Variants in FSIP2 observed in about 807,000 individuals in gnomAD.
The protein encoded by FSIP2 is fibrous sheath-interacting protein 2.
A neutral mutation model predicts 510.5 loss-of-function variants in FSIP2; 367 were observed. The ratio of observed to expected loss-of-function variants is 0.72; its 90% CI spans 0.66 to 0.78. The LOEUF is 0.78. Ranked by LOEUF, FSIP2 falls within the 30% of genes least tolerant of loss-of-function variation. The pLI, the probability that FSIP2 is intolerant of heterozygous loss-of-function variation, is 0.00. For missense variants in FSIP2, 7,594 were observed against 7,901.7 expected (o/e 0.96, Z 1.48); for synonymous variants, 2,601 against 2,732.2 (o/e 0.95, Z 1.50).
intron 10 of FSIP2, among the ~76,000 whole-genome samples, chr2:185,761,345 C>T (rs539546442): frequency 1.3e-5 from 2 of 151,126 alleles, no homozygotes; most frequent in Admixed American, 6.6e-5. Flanking sequence ...ATAATAATGA[C>T]AGCTTGCATT....
At chr2:185,818,420 C>T (rs1436036891) in intron 19 of FSIP2, among the ~76,000 whole-genome samples, 1 of 151,690 alleles carries the variant, frequency 6.6e-6, no homozygotes, top group Admixed American at 6.6e-5. Flanking sequence ...TTTGAGGAAA[C>T]AAGGGCTGAA....
At position 185,808,280 on chromosome 2, in the gene FSIP2, T is replaced by C; in HGVS notation, c.18974T>C (p.Ile6325Thr). The change falls in exon 17 of 23, where the codon ATT becomes ACT. Residue 6325 changes from isoleucine to threonine, a missense_variant. Transcript: ENST00000424728. ...AAAATTATGGAAAAAGTGATCAAAATTATTGATGAACTTAAGTCTAAGGAA... is the reference window on the plus strand; with the variant it reads ...AAAATTATGGAAAAAGTGATCAAAACTATTGATGAACTTAAGTCTAAGGAA... The part of the protein sequence containing the change: ...AVKIMEKVIK[I>T]IDELKSKEKS... 3 of 1,601,846 alleles carry C rather than the reference T, an allele frequency of 1.9e-6. No homozygotes were observed. Among genetic ancestry groups the C allele is most frequent in the Non-Finnish European group, 2.6e-6 (3 of 1,175,904 alleles).
At chr2:185,750,646 T>G (rs530645452) in intron 7 of FSIP2, among the ~76,000 whole-genome samples, 1 of 150,836 alleles carries the variant, frequency 6.6e-6, no homozygotes, top group Non-Finnish European at 1.5e-5. Context: ...CTGATCTTTT[T>G]GTTAAATACC....
chr2:185,768,877 G>A (rs1692550675), intron 13 of FSIP2, among the ~76,000 whole-genome samples: 1 of 152,130 alleles, frequency 6.6e-6, no homozygotes, highest in African/African-American at 2.4e-5. Context: ...GTGAGAACAT[G>A]CGGATTTGGT....
chr2:185,802,897 A>G lies in FSIP2; in HGVS notation c.13591A>G (p.Thr4531Ala). The G allele has an allele frequency of 6.7e-7, 1 of 1,496,700 alleles. No homozygotes were observed. The highest frequency in any genetic ancestry group is 8.8e-7 in the Non-Finnish European group (1 of 1,131,522). 92.7% of individuals were successfully genotyped at this position (1,496,700 alleles called of 1,614,324 possible). ...EIRFSKEEEE[T>A]KFIYSEDDIQ... ...TCGATTTTCAAAAGAGGAAGAAGAA[A>G]CCAAGTTTATTTATTCAGAAGATGA... The change falls in exon 17 of 23, where the codon ACC becomes GCC. Residue 4531 changes from threonine (T) to alanine (A), a missense_variant. Thr to Ala is a moderately conservative substitution (Grantham distance 58). Transcript: ENST00000424728.
intron 2 of FSIP2, among the ~76,000 whole-genome samples, chr2:185,741,234 A>C (rs1406274434): frequency 6.6e-6 from 1 of 151,972 alleles, no homozygotes; most frequent in Non-Finnish European, 1.5e-5. Context: ...TTTCAAAAAG[A>C]TGTTCTATTT....
chr2:185,802,608 A>G lies in FSIP2; in HGVS notation c.13302A>G (p.Ser4434=). Residue 4434 remains serine, a synonymous_variant, in exon 17 of 23, where the codon TCA becomes TCG. Coordinates refer to ENST00000424728, the MANE Select transcript of FSIP2 (RefSeq NM_173651.4). ...TTTCAGCTTCTACCTATTCTAATTC[A>G]GTGGCTGAGAATATTGTTCAGGACA... ...GDFSASTYSN[S]VAENIVQDIL... The G allele has an allele frequency of 3.3e-6, 5 of 1,533,506 alleles. No individual in the cohort carries two copies. The highest frequency in any genetic ancestry group is 1.2e-5 in the South Asian group (1 of 83,918). The allele number at this position is 1,533,506 out of a possible 1,614,324, so 95.0% of individuals were successfully genotyped here.
At chr2:185,740,789 T>G (rs1691907805) in intron 2 of FSIP2, among the ~76,000 whole-genome samples, 2 of 151,978 alleles carry the variant, frequency 1.3e-5, no homozygotes, top group South Asian at 4.2e-4. Flanking sequence ...ATAGGAACAT[T>G]ATCTCCCTTG....
Position 185,798,428 on chromosome 2 carries a change from C to T in FSIP2, c.10390+902C>T, listed in dbSNP as rs375141887. ...ACTCATGTGTATATATTAGGTGAAACAACATGTAATCGTCATTTTGTATAT... is the reference window on the plus strand; with the variant it reads ...ACTCATGTGTATATATTAGGTGAAATAACATGTAATCGTCATTTTGTATAT... On this transcript the variant is annotated intron_variant, in intron 16 of 22. Coordinates refer to ENST00000424728, the MANE Select transcript of FSIP2 (RefSeq NM_173651.4). Among the ~76,000 whole-genome samples the T allele has an allele frequency of 1.4e-4, 22 of 151,892 alleles. No individual in the cohort carries two copies. In the East Asian group the frequency reaches 3.3e-3, roughly 23 times the overall value.
intron 17 of FSIP2, among the ~76,000 whole-genome samples, chr2:185,810,808 G>T (rs1476179791): frequency 2.0e-5 from 3 of 152,006 alleles, no homozygotes; most frequent in African/African-American, 7.2e-5. Context: ...ACTTCTTAGA[G>T]ATTGGTTAAA....
chr2:185,827,279 A>T (rs1694029490), intron 20 of FSIP2, among the ~76,000 whole-genome samples: 1 of 151,674 alleles, frequency 6.6e-6, no homozygotes, highest in South Asian at 2.1e-4. Flanking sequence ...TAGAACCCAT[A>T]TTGGCCCAAA....
Position 185,791,333 on chromosome 2 carries a change from G to A in FSIP2, c.4197G>A (p.Arg1399=). ...ATGTACAAAGCATTTTGCCAAATAG[G>A]CAAGATAAAAAATCTTTTCACAAAT... is the stretch of plus-strand genomic sequence containing the variant. ...SVDVQSILPN[R]QDKKSFHKYL... is the part of the protein sequence containing the mutation. The change falls in exon 16 of 23, where the codon AGG becomes AGA. Residue 1399 remains arginine, a synonymous_variant. Transcript: ENST00000424728. 6.5e-7 allele frequency: 1 copy of A among 1,534,076 alleles called. No homozygotes were observed. The highest frequency in any genetic ancestry group is 8.7e-7 in the Non-Finnish European group (1 of 1,145,512).
At position 185,795,689 on chromosome 2, in the gene FSIP2, G is replaced by A. The variant is rs772304883; in HGVS notation, c.8553G>A (p.Lys2851=). The part of the protein sequence containing the change: ...FDKWQTESND[K]ENEKCKLLMI... ...AGTGGCAAACAGAATCAAATGACAA[G>A]GAAAATGAAAAATGTAAGCTATTGA... The change falls in exon 16 of 23, where the codon AAG becomes AAA. Residue 2851 remains lysine (K), a synonymous_variant. Transcript: ENST00000424728. 3 of 1,531,082 alleles carry A rather than the reference G, an allele frequency of 2.0e-6. No homozygotes were observed. The highest frequency in any genetic ancestry group is 2.5e-5 in the East Asian group (1 of 40,810). 94.8% of individuals were successfully genotyped at this position (1,531,082 alleles called of 1,614,324 possible).
intron 13 of FSIP2, among the ~76,000 whole-genome samples, chr2:185,772,538 CTTTTA>C: frequency 6.6e-6 from 1 of 152,132 alleles, no homozygotes; most frequent in East Asian, 1.9e-4. Flanking sequence ...GTGTCAAACT[CTTTTA>C]AACAGCCAGT....
rs540908320 is a variant in FSIP2 at position 185,801,110 on chromosome 2, C to T, written c.11804C>T (p.Ala3935Val). 6.5e-7 allele frequency: 1 copy of T among 1,532,910 alleles called. No individual in the cohort carries two copies. Among genetic ancestry groups the T allele is most frequent in the African/African-American group, 1.4e-5 (1 of 72,894 alleles). The allele number at this position is 1,532,910 out of a possible 1,614,324, so 95.0% of individuals were successfully genotyped here. ...KIQAPFNKHC[A>V]VKSSSVSPFE... ...CAAGCACCATTTAACAAGCATTGTG[C>T]AGTAAAATCCTCTTCTGTGTCACCT... Residue 3935 changes from alanine to valine, a missense_variant, in exon 17 of 23, where the codon GCA becomes GTA. Ala to Val is a moderately conservative substitution (Grantham distance 64). Transcript: ENST00000424728.
chr2:185,758,138 A>T (rs1354720242), intron 9 of FSIP2, among the ~76,000 whole-genome samples: 1 of 151,348 alleles, frequency 6.6e-6, no homozygotes, highest in Non-Finnish European at 1.5e-5. Flanking sequence ...AATACCCTGA[A>T]ATTCATCCAA....
Position 185,753,755 on chromosome 2 carries a change from C to A in FSIP2, c.904C>A (p.His302Asn). 7.3e-7 allele frequency: 1 copy of A among 1,364,786 alleles called. No homozygotes were observed. The highest frequency in any genetic ancestry group is 1.4e-5 in the South Asian group (1 of 72,826). The allele number at this position is 1,364,786 out of a possible 1,614,324, so 84.5% of individuals were successfully genotyped here. Residue 302 changes from histidine (H) to asparagine (N), a missense_variant, in exon 8 of 23, where the codon CAT (histidine) becomes AAT (asparagine). By Grantham distance (68) the His-to-Asn change is moderately conservative (BLOSUM62 1). Coordinates refer to ENST00000424728, the MANE Select transcript of FSIP2 (RefSeq NM_173651.4). The stretch of plus-strand genomic sequence containing the variant: ...TCTTCTAGAGAAAAAAATGGCTTAT[C>A]ATTTACAAAAAATGCAAGATACTGG... ...QDLLEKKMAYHLQKMQDTGFN... is the reference protein window; with the variant it reads ...QDLLEKKMAYNLQKMQDTGFN...
At chr2:185,751,486 T>TGTGTGCGC (rs369119098) in intron 7 of FSIP2, among the ~76,000 whole-genome samples, 25,036 of 149,564 alleles carry the variant, frequency 0.17, 2,491 homozygotes, top group Non-Finnish European at 0.22. Flanking sequence ...TGTGTGTGTG[T>TGTGTGCGC]GTGTGTGTGT....
Position 185,790,685 on chromosome 2 carries a change from C to T in FSIP2, c.3549C>T (p.Asn1183=). The T allele has an allele frequency of 1.3e-6, 2 of 1,533,992 alleles. No individual in the cohort carries two copies. Among genetic ancestry groups the T allele is most frequent in the Non-Finnish European group, 1.7e-6 (2 of 1,145,394 alleles). The change falls in exon 16 of 23, where the codon AAC becomes AAT. Residue 1183 remains asparagine (N), a synonymous_variant. Coordinates refer to ENST00000424728, the MANE Select transcript of FSIP2 (RefSeq NM_173651.4). ...TAAACATACTTCATAAGGCATCAAACTACATTTCCAATACCACTAAAAGTT... is the reference window on the plus strand; with the variant it reads ...TAAACATACTTCATAAGGCATCAAATTACATTTCCAATACCACTAAAAGTT... ...SVLNILHKAS[N]YISNTTKSSI...
Sources: allele counts gnomAD v4.1 joint callset (sites outside exome capture counted in the v4.1 genomes callset), GRCh38; gene constraint gnomAD v4.1.1; transcripts MANE v1.5; gene names NCBI Gene and HGNC (gene_info 2026-07-23, HGNC 2026-07-21).